Variants in ARID1B observed in about 807,000 individuals in gnomAD.
ARID1B encodes AT-rich interactive domain-containing protein 1B.
A neutral mutation model predicts 212.3 loss-of-function variants in ARID1B; 30 were observed. The observed-to-expected ratio is 0.14, with a 90% CI of 0.11 to 0.19. The LOEUF is 0.19. Ranked by LOEUF, ARID1B falls within the 10% of genes least tolerant of loss-of-function variation. ARID1B has a pLI of 1.00. For synonymous variants in ARID1B, 1,402 were observed against 1,301.7 expected, an observed-to-expected ratio of 1.08 and a Z score of -1.66; for missense variants, 2,891 against 3,204.0, an observed-to-expected ratio of 0.90 and a Z score of 2.36.
chr6:156,898,138 T>C (rs187812554), intron 2 of ARID1B, among the ~76,000 whole-genome samples: 113 of 152,248 alleles, frequency 7.4e-4, no homozygotes, highest in Non-Finnish European at 9.6e-4. Context: ...CAGTGCTCTA[T>C]GTCTCCAGCT....
At chr6:157,097,826 G>A (rs7763624) in intron 5 of ARID1B, among the ~76,000 whole-genome samples, 80,500 of 152,018 alleles carry the variant, frequency 0.53, 21,640 homozygotes, top group Admixed American at 0.64. Flanking sequence ...TCCCCTTTGT[G>A]TCATAAGAAC....
At chr6:156,843,123 A>G (rs116931627) in intron 2 of ARID1B, among the ~76,000 whole-genome samples, 460 of 151,856 alleles carry the variant, frequency 3.0e-3, no homozygotes, top group South Asian at 6.9e-3. Flanking sequence ...AGTGCCTCCC[A>G]CCCCATTTCC....
rs1247748722 is a variant in ARID1B at position 156,846,799 on chromosome 6, G to A, written c.1986+17378G>A. On this transcript the variant is annotated intron_variant, in intron 2 of 19. Coordinates refer to ENST00000636930, the MANE Select transcript of ARID1B (RefSeq NM_001374828.1). The stretch of plus-strand genomic sequence containing the variant: ...AGTCCTCTTGACTTCCTACAGGACA[G>A]GTGGGGATTGGGAAGGGGGATCTCT... Among the ~76,000 whole-genome samples the A allele has an allele frequency of 3.3e-5, 5 of 152,268 alleles. No homozygotes were observed. In the East Asian group the frequency reaches 9.6e-4, roughly 29 times the overall value.
intron 5 of ARID1B, among the ~76,000 whole-genome samples, chr6:157,107,401 G>A (rs537102622): frequency 6.6e-6 from 1 of 152,154 alleles, no homozygotes; most frequent in East Asian, 1.9e-4. Context: ...TGGGCTAAAG[G>A]ATATAAGGGA....
chr6:157,010,317 GTT>G (rs1779515587), intron 4 of ARID1B, among the ~76,000 whole-genome samples: 2 of 89,528 alleles, frequency 2.2e-5, no homozygotes, highest in African/African-American at 4.4e-5. Context: ...TGTTGTTGTT[GTT>G]TTGGTTTGTT....
intron 9 of ARID1B, 72 bp from the exon 10 acceptor site, chr6:157,173,936 C>T (rs1562322867): frequency 7.4e-6 from 10 of 1,346,004 alleles, no homozygotes; most frequent in Non-Finnish European, 7.4e-6. Context: ...CACTCTGTAA[C>T]TTGTGTTGGC....
chr6:157,095,567 C>G (rs2128483947), intron 5 of ARID1B, among the ~76,000 whole-genome samples: 1 of 152,358 alleles, frequency 6.6e-6, no homozygotes, highest in East Asian at 1.9e-4. Flanking sequence ...GGAGGCCTGT[C>G]TTCCCAGTTA....
At chr6:157,007,475 T>C (rs1779313404) in intron 4 of ARID1B, among the ~76,000 whole-genome samples, 1 of 152,256 alleles carries the variant, frequency 6.6e-6, no homozygotes, top group African/African-American at 2.4e-5. Flanking sequence ...GTTTTCTACA[T>C]ATTTTGGCAA....
chr6:156,916,507 T>G (rs1260422525), intron 3 of ARID1B, among the ~76,000 whole-genome samples: 4 of 152,212 alleles, frequency 2.6e-5, no homozygotes, highest in Admixed American at 2.0e-4. Context: ...TAAAGTATTT[T>G]TACATCCTAG....
chr6:157,065,808 C>G (rs79319207), intron 4 of ARID1B, among the ~76,000 whole-genome samples: 2,256 of 152,274 alleles, frequency 0.015, 55 homozygotes, highest in African/African-American at 0.052. Context: ...TGACAAATGA[C>G]TATGCTGTCA....
At chr6:156,813,228 C>T (rs1000269334) in intron 1 of ARID1B, among the ~76,000 whole-genome samples, 28 of 150,828 alleles carry the variant, frequency 1.9e-4, no homozygotes, top group South Asian at 2.1e-4. Context: ...CTCAGCCTCC[C>T]GAGTAGCTAC....
intron 4 of ARID1B, among the ~76,000 whole-genome samples, chr6:157,049,448 G>A (rs997752659): frequency 2.6e-5 from 4 of 152,134 alleles, no homozygotes; most frequent in Admixed American, 1.3e-4. Flanking sequence ...CCTTGAAATC[G>A]GCGTAGAGGA....
intron 8 of ARID1B, among the ~76,000 whole-genome samples, chr6:157,152,706 T>G (rs749186101): frequency 1.3e-5 from 2 of 152,262 alleles, no homozygotes; most frequent in African/African-American, 4.8e-5. Context: ...AACATGCTTT[T>G]GCTTTACTTA....
At chr6:156,909,131 T>TC (rs1344559041) in intron 3 of ARID1B, among the ~76,000 whole-genome samples, 15 of 142,740 alleles carry the variant, frequency 1.1e-4, no homozygotes, top group Non-Finnish European at 1.8e-4. Context: ...CTCTTTTTTT[T>TC]TTTTTTTTTT....
At chr6:157,123,082 C>T (rs1219907957) in intron 6 of ARID1B, among the ~76,000 whole-genome samples, 1 of 152,222 alleles carries the variant, frequency 6.6e-6, no homozygotes, top group East Asian at 1.9e-4. Flanking sequence ...AAGCTACTCA[C>T]TGCCATGGGT....
intron 4 of ARID1B, among the ~76,000 whole-genome samples, chr6:157,070,100 G>T (rs892289113): frequency 7.2e-5 from 11 of 152,014 alleles, no homozygotes; most frequent in African/African-American, 2.7e-4. Context: ...AATTTAGTAA[G>T]CTCTGAATAG....
intron 4 of ARID1B, among the ~76,000 whole-genome samples, chr6:156,953,516 AT>A (rs1484596462): frequency 6.6e-6 from 1 of 152,220 alleles, no homozygotes; most frequent in East Asian, 1.9e-4. Context: ...AAAGAAAAAA[AT>A]CGGACTCCAT....
intron 2 of ARID1B, among the ~76,000 whole-genome samples, chr6:156,844,319 G>T (rs1163914365): frequency 6.6e-6 from 1 of 152,222 alleles, no homozygotes; most frequent in Middle Eastern, 3.2e-3. Context: ...CAGGCTTCCA[G>T]AGTGAAGAAA....
intron 1 of ARID1B, among the ~76,000 whole-genome samples, chr6:156,793,943 C>CA (rs1418092619): frequency 6.6e-6 from 1 of 152,254 alleles, no homozygotes; most frequent in Non-Finnish European, 1.5e-5. Context: ...AAAGCATCAT[C>CA]ATTATCTCTA....
Sources: allele counts gnomAD v4.1 joint callset (sites outside exome capture counted in the v4.1 genomes callset), GRCh38; gene constraint gnomAD v4.1.1; transcripts MANE v1.5; gene names NCBI Gene and HGNC (gene_info 2026-07-23, HGNC 2026-07-21).